The following UVSSA variants were observed in gnomAD, a reference collection of about 807,000 sequenced individuals.
The protein encoded by UVSSA is UV-stimulated scaffold protein A.
In UVSSA, 72 loss-of-function variants were observed where a neutral mutation model predicts 73.9. The observed-to-expected ratio is 0.97, with a 90% CI of 0.81 to 1.19. UVSSA has a LOEUF of 1.19. UVSSA is among the 50% of genes most tolerant of loss of function. UVSSA has a pLI of 0.00. For missense variants in UVSSA, 1,150 were observed against 965.0 expected, an observed-to-expected ratio of 1.19 and a Z score of -2.54; for synonymous variants, 454 against 391.3, an observed-to-expected ratio of 1.16 and a Z score of -1.89.
At chr4:1,343,647 C>T (rs6815184), upstream of UVSSA, among the ~76,000 whole-genome samples, 1,836 of 152,210 alleles carry the variant, frequency 0.012, 46 homozygotes, top group African/African-American at 0.04. Context: ...ATTAGCCAGG[C>T]GTGGTGGCAC....
At chr4:1,382,013 TG>T (rs1285058730) in intron 12 of UVSSA, among the ~76,000 whole-genome samples, 1 of 152,098 alleles carries the variant, frequency 6.6e-6, no homozygotes, top group South Asian at 2.1e-4. Context: ...TGGCCCGAAG[TG>T]GGGGTTCACA....
In UVSSA at chr4:1,387,419, A is replaced by G. The variant is rs1720217835; in HGVS notation, c.*1458A>G. On this transcript the variant is annotated 3_prime_UTR_variant, in exon 14 of 14. Coordinates refer to ENST00000389851, the MANE Select transcript of UVSSA (RefSeq NM_020894.4). ...TCCATACTGTTGTTTCACTTTCTGG[A>G]TAGTGTCCTCTGAAGCACAAAAGTT... The G allele has an allele frequency of 6.6e-6, 1 of 152,236 alleles. No individual in the cohort carries two copies. Among genetic ancestry groups the G allele is most frequent in the Non-Finnish European group, 1.5e-5 (1 of 68,036 alleles). 9.4% of individuals were successfully genotyped at this position (152,236 alleles called of 1,614,324 possible).
At chr4:1,362,578 TCTC>T (rs1372229215) in intron 7 of UVSSA, among the ~76,000 whole-genome samples, 1 of 152,168 alleles carries the variant, frequency 6.6e-6, no homozygotes, top group East Asian at 1.9e-4. Context: ...GGGTGTATGA[TCTC>T]CTTTCCTGGA....
At chr4:1,376,520 G>C (rs563973278) in intron 10 of UVSSA, among the ~76,000 whole-genome samples, 1 of 152,336 alleles carries the variant, frequency 6.6e-6, no homozygotes, top group South Asian at 2.1e-4. Context: ...GGTTGGCTGA[G>C]GCCTGGGGCT....
intron 8 of UVSSA, among the ~76,000 whole-genome samples, chr4:1,371,256 C>CTGTG (rs34839757): frequency 0.077 from 11,218 of 146,510 alleles, 442 homozygotes; most frequent in African/African-American, 0.12. Context: ...GTGGGTGGAC[C>CTGTG]TGTGTGTGTG....
upstream of UVSSA, among the ~76,000 whole-genome samples, chr4:1,345,712 C>T (rs1185865145): frequency 6.9e-6 from 1 of 144,736 alleles, no homozygotes; most frequent in African/African-American, 2.7e-5. Flanking sequence ...GGGCAGTGGA[C>T]GGGCAGCTTG....
chr4:1,379,691 C>T (rs1342877662), intron 10 of UVSSA, among the ~76,000 whole-genome samples: 1 of 152,204 alleles, frequency 6.6e-6, no homozygotes, highest in Non-Finnish European at 1.5e-5. Context: ...GCAGCTGTCG[C>T]CCTTGTCCTA....
exon 14 of UVSSA, chr4:1,395,050 C>T: frequency 1.5e-6 from 2 of 1,344,174 alleles, no homozygotes; most frequent in Middle Eastern, 1.9e-4. Flanking sequence ...CCCGCCTGCT[C>T]ACACGTGCCA....
chr4:1,384,153 C>T (rs529633128), intron 13 of UVSSA: 69 of 605,886 alleles, frequency 1.1e-4, no homozygotes, highest in Middle Eastern at 8.8e-4. Context: ...GGAACGCCCC[C>T]CAGCATTCCC....
chr4:1,368,361 T>C (rs1352053150), intron 8 of UVSSA, among the ~76,000 whole-genome samples: 1 of 152,262 alleles, frequency 6.6e-6, no homozygotes, highest in Non-Finnish European at 1.5e-5. Context: ...ACCTGACTTG[T>C]GGCTCTAAAT....
intron 6 of UVSSA, 57 bp from the exon 7 acceptor site, chr4:1,355,060 C>A: frequency 6.3e-7 from 1 of 1,596,896 alleles, no homozygotes; most frequent in Non-Finnish European, 8.5e-7. Context: ...CCCAGCAGGA[C>A]AGCTTCCCAG....
At chr4:1,379,935 TGGG>T in intron 10 of UVSSA, 109 bp from the exon 11 acceptor site, 1 of 1,297,276 alleles carries the variant, frequency 7.7e-7, no homozygotes, top group Non-Finnish European at 1.1e-6. Context: ...TCCACAGTGT[TGGG>T]GTGGCTGGGC....
At chr4:1,365,883 C>T (rs1033184170) in intron 7 of UVSSA, among the ~76,000 whole-genome samples, 3 of 151,896 alleles carry the variant, frequency 2.0e-5, no homozygotes, top group South Asian at 2.1e-4. Context: ...GCACCGCAGA[C>T]GCACCTGCTC....
intron 4 of UVSSA, among the ~76,000 whole-genome samples, chr4:1,352,099 T>C (rs1326061906): frequency 6.6e-6 from 1 of 152,212 alleles, no homozygotes; most frequent in Non-Finnish European, 1.5e-5. Flanking sequence ...CAGGCACAGG[T>C]GTGCCTGTGG....
rs1577267352 is a variant in UVSSA, at chr4:1,347,939, T to C, written c.-2-151T>C. The C allele has an allele frequency of 2.7e-5, 18 of 666,082 alleles. No individual in the cohort carries two copies. The East Asian group carries it at 4.3e-4, about 16-fold the overall frequency. The allele number at this position is 666,082 out of a possible 1,614,324, so 41.3% of individuals were successfully genotyped here. On this transcript the variant is annotated intron_variant, in intron 1 of 13. Transcript: ENST00000389851. ...CCGTAAAGGCCTTGCTGGACACACA[T>C]ATTTCCCAGAGAGGCACCCACAGAT...
At chr4:1,385,823 C>T (rs1720053959) in intron 13 of UVSSA, 45 bp from the exon 14 acceptor site, 7 of 1,606,792 alleles carry the variant, frequency 4.4e-6, no homozygotes, top group Non-Finnish European at 6.0e-6. Flanking sequence ...GCCCAGGCCC[C>T]TGGCGGAAGC....
intron 8 of UVSSA, among the ~76,000 whole-genome samples, chr4:1,367,032 T>C (rs1190098115): frequency 1.3e-5 from 2 of 152,280 alleles, no homozygotes; most frequent in East Asian, 3.9e-4. Context: ...CATCCCCGCT[T>C]ACGGGGGTCA....
Position 1,347,293 on chromosome 4 carries a change from CG to C in UVSSA, c.-467del, listed in dbSNP as rs3841983. Reference sequence around the variant, plus strand: ...CGCCGGTTCGGTCCCCGGGGCTCTGCGGGCGCCGGGCAGAGACCTGCGGCCA... The same window carrying C: ...CGCCGGTTCGGTCCCCGGGGCTCTGCGGCGCCGGGCAGAGACCTGCGGCCA... On this transcript the variant is annotated 5_prime_UTR_variant, in exon 1 of 14. Transcript: ENST00000389851. 43,694 of 151,916 alleles carry C rather than the reference CG, an allele frequency of 0.29. 7,438 individuals carry two copies. The highest frequency in any genetic ancestry group is 0.39 in the Non-Finnish European group (26,248 of 67,880). 9.4% of individuals were successfully genotyped at this position (151,916 alleles called of 1,614,324 possible).
chr4:1,376,734 G>T lies in UVSSA; in HGVS notation c.1568+566G>T, dbSNP rs374757850. Among the ~76,000 whole-genome samples the T allele has an allele frequency of 5.4e-4, 83 of 152,346 alleles. 1 individual carries two copies. In the South Asian group the frequency reaches 0.016, roughly 29 times the overall value. ...AAGTCCGGACCGTTGGGCCTCAAGA[G>T]GCCACCTGGGTACTCCAGCGCCTGC... On this transcript the variant is annotated intron_variant, in intron 10 of 13. Coordinates refer to ENST00000389851, the MANE Select transcript of UVSSA (RefSeq NM_020894.4).
Sources: gnomAD v4.1 joint callset for allele counts (sites outside exome capture counted in the v4.1 genomes callset) on GRCh38, gnomAD v4.1.1 for gene constraint, MANE v1.5 for transcripts, NCBI Gene and HGNC (gene_info 2026-07-23, HGNC 2026-07-21) for gene names.